The following KCNC2 variants were observed in gnomAD, a reference collection of about 807,000 sequenced individuals.
The protein encoded by KCNC2 is potassium voltage-gated channel subfamily C member 2, also known as voltage-gated potassium channel KCNC2.
In KCNC2, 21 loss-of-function variants were observed where a neutral mutation model predicts 44.5. That is an observed-to-expected ratio of 0.47 (90% confidence interval 0.33 to 0.68). KCNC2 has a LOEUF of 0.68. Among genes scored for constraint, KCNC2 ranks in the 30% least tolerant of loss-of-function variants. The probability of loss-of-function intolerance (pLI) is 0.01; values close to 1 mark genes in which losing one functional copy is unlikely to be tolerated. For synonymous variants in KCNC2, 391 were observed against 339.1 expected, an observed-to-expected ratio of 1.15 and a Z score of -1.68; for missense variants, 589 against 826.2, an observed-to-expected ratio of 0.71 and a Z score of 3.52.
At position 75,138,569 on chromosome 12, in the gene KCNC2, A is replaced by C. The variant is rs191536736; in HGVS notation, c.687+68728T>G. ...GCCTTCCAAGGTGATCCTTGTGTAC[A>C]CTAAAGTTTGAGAACAAGGTATGTT... On this transcript the variant is annotated intron_variant, in intron 2 of 4. Coordinates refer to ENST00000549446, the MANE Select transcript of KCNC2 (RefSeq NM_139137.4). 1.4e-4 allele frequency among the ~76,000 whole-genome samples: 22 copies of C among 152,322 alleles called. No individual in the cohort carries two copies. The East Asian group carries it at 4.1e-3, about 28-fold the overall frequency.
At chr12:75,090,392 C>T (rs1885373890) in intron 2 of KCNC2, among the ~76,000 whole-genome samples, 1 of 151,466 alleles carries the variant, frequency 6.6e-6, no homozygotes. Context: ...TCCTCTCCAC[C>T]CTCACTGCCA....
intron 2 of KCNC2, among the ~76,000 whole-genome samples, chr12:75,205,675 T>A (rs144995861): frequency 6.6e-6 from 1 of 152,210 alleles, no homozygotes; most frequent in Admixed American, 6.5e-5. Flanking sequence ...AATCACATGA[T>A]GGGCCTGAAA....
At chr12:75,079,244 G>A (rs934463297) in intron 2 of KCNC2, among the ~76,000 whole-genome samples, 3 of 152,066 alleles carry the variant, frequency 2.0e-5, no homozygotes, top group African/African-American at 7.2e-5. Flanking sequence ...CATGAAGAAA[G>A]AGGAACCTTT....
intron 2 of KCNC2, among the ~76,000 whole-genome samples, chr12:75,110,798 C>CA (rs1397433352): frequency 4.0e-5 from 6 of 151,718 alleles, no homozygotes; most frequent in African/African-American, 1.2e-4. Flanking sequence ...AGTTGTAAAG[C>CA]AAAAAAGAAG....
intron 2 of KCNC2, among the ~76,000 whole-genome samples, chr12:75,122,808 C>T (rs1475469988): frequency 6.6e-6 from 1 of 151,980 alleles, no homozygotes; most frequent in African/African-American, 2.4e-5. Context: ...GAAAAGATAT[C>T]AGAAAGTGGT....
chr12:75,183,957 G>C (rs939833788), intron 2 of KCNC2, among the ~76,000 whole-genome samples: 25 of 151,928 alleles, frequency 1.6e-4, no homozygotes, highest in African/African-American at 6.0e-4. Flanking sequence ...ATTTCCCAAG[G>C]AGTATCATAC....
chr12:75,159,165 T>C (rs77748195), intron 2 of KCNC2, among the ~76,000 whole-genome samples: 8,112 of 151,586 alleles, frequency 0.054, 299 homozygotes, highest in East Asian at 0.095. Flanking sequence ...AAATATCTAA[T>C]GTAGATGACG....
Position 75,116,059 on chromosome 12 carries a change from A to G in KCNC2, c.688-64742T>C, listed in dbSNP as rs183983744. Among the ~76,000 whole-genome samples, 29 of 152,314 alleles carry G rather than the reference A, an allele frequency of 1.9e-4. No homozygotes were observed. In the Middle Eastern group the frequency reaches 0.01, roughly 54 times the overall value. ...AAGGAACCTTGTGCTTTATATTTTT[A>G]AAGTGATAGGTTTTCAGCATAAACC... On this transcript the variant is annotated intron_variant, in intron 2 of 4. Coordinates refer to ENST00000549446, the MANE Select transcript of KCNC2 (RefSeq NM_139137.4).
chr12:75,186,085 AAAT>A (rs1892924932), intron 2 of KCNC2, among the ~76,000 whole-genome samples: 3 of 144,910 alleles, frequency 2.1e-5, no homozygotes, highest in Non-Finnish European at 4.6e-5. Context: ...ATAAATAAAT[AAAT>A]AAATAAAAAT....
chr12:75,042,028 A>G lies in KCNC2; in HGVS notation c.*1077T>C. 1.8e-6 allele frequency: 2 copies of G among 1,123,292 alleles called. No homozygotes were observed. Among genetic ancestry groups the G allele is most frequent in the Non-Finnish European group, 2.2e-6 (2 of 920,054 alleles). The allele number at this position is 1,123,292 out of a possible 1,614,324, so 69.6% of individuals were successfully genotyped here. ...TTAAACACTGCCTGAAAATCTGATT[A>G]ATCTTTTGACTCAGGAATTTAAGGC... On this transcript the variant is annotated 3_prime_UTR_variant, in exon 5 of 5. Transcript: ENST00000549446.
chr12:75,206,410 G>A (rs905131502), intron 2 of KCNC2, among the ~76,000 whole-genome samples: 3 of 152,174 alleles, frequency 2.0e-5, no homozygotes, highest in African/African-American at 7.2e-5. Flanking sequence ...CTCTTCATGA[G>A]ATTTTGAAGA....
intron 2 of KCNC2, among the ~76,000 whole-genome samples, chr12:75,086,378 T>C (rs1884995348): frequency 1.3e-5 from 2 of 152,016 alleles, no homozygotes; most frequent in Non-Finnish European, 1.5e-5. Flanking sequence ...TGCAAGAACA[T>C]GCATAACAAA....
chr12:75,201,928 T>C (rs925180832), intron 2 of KCNC2, among the ~76,000 whole-genome samples: 1 of 151,934 alleles, frequency 6.6e-6, no homozygotes, highest in Non-Finnish European at 1.5e-5. Context: ...TACTATTTTA[T>C]TTAGACACAT....
chr12:75,108,694 C>A (rs1450012966), intron 2 of KCNC2, among the ~76,000 whole-genome samples: 1 of 152,158 alleles, frequency 6.6e-6, no homozygotes, highest in Non-Finnish European at 1.5e-5. Flanking sequence ...AATGGATTAT[C>A]TTTGCCTAAA....
At chr12:75,142,146 C>T (rs567801454) in intron 2 of KCNC2, among the ~76,000 whole-genome samples, 1 of 152,270 alleles carries the variant, frequency 6.6e-6, no homozygotes, top group African/African-American at 2.4e-5. Flanking sequence ...TTATCAGCTT[C>T]ATTTCATAGC....
chr12:75,134,230 A>G (rs1360383766), intron 2 of KCNC2, among the ~76,000 whole-genome samples: 2 of 151,958 alleles, frequency 1.3e-5, no homozygotes, highest in Non-Finnish European at 2.9e-5. Flanking sequence ...TAATAAAAAA[A>G]GTTAAAAAAA....
intron 2 of KCNC2, among the ~76,000 whole-genome samples, chr12:75,131,896 C>G (rs987862868): frequency 6.6e-6 from 1 of 152,120 alleles, no homozygotes; most frequent in African/African-American, 2.4e-5. Context: ...ACCGTTGAGC[C>G]AGCTTTGCGT....
At chr12:75,139,970 T>A (rs1296556533) in intron 2 of KCNC2, among the ~76,000 whole-genome samples, 1 of 152,196 alleles carries the variant, frequency 6.6e-6, no homozygotes, top group Non-Finnish European at 1.5e-5. Context: ...GTATGTCAGT[T>A]ACTTATTGCT....
At chr12:75,117,625 T>C (rs1025482660) in intron 2 of KCNC2, among the ~76,000 whole-genome samples, 4 of 152,130 alleles carry the variant, frequency 2.6e-5, no homozygotes, top group African/African-American at 9.7e-5. Flanking sequence ...ACTCAAATAT[T>C]AGAACTCTTA....
Sources: gnomAD v4.1 joint callset for allele counts (sites outside exome capture counted in the v4.1 genomes callset) on GRCh38, gnomAD v4.1.1 for gene constraint, MANE v1.5 for transcripts, NCBI Gene and HGNC (gene_info 2026-07-23, HGNC 2026-07-21) for gene names.